Variants in MEGF9 observed in about 807,000 individuals in gnomAD.
The protein encoded by MEGF9 is multiple epidermal growth factor-like domains protein 9.
MEGF9 carries 6 observed loss-of-function variants against 46.8 expected under a neutral mutation model. That is an observed-to-expected ratio of 0.13 (90% CI 0.07 to 0.25). MEGF9 has a LOEUF of 0.25. Ranked by LOEUF, MEGF9 falls within the 10% of genes least tolerant of loss-of-function variation. MEGF9 has a pLI of 1.00. For synonymous variants in MEGF9, 302 were observed against 330.7 expected, an observed-to-expected ratio of 0.91 and a Z score of 0.94; for missense variants, 683 against 792.4, an observed-to-expected ratio of 0.86 and a Z score of 1.66.
chr9:120,695,759 G>T (rs958448689), intron 1 of MEGF9, among the ~76,000 whole-genome samples: 3 of 152,128 alleles, frequency 2.0e-5, no homozygotes, highest in Admixed American at 1.3e-4. Flanking sequence ...CTTTTTGTCA[G>T]CCTAGTATCA....
intron 2 of MEGF9, among the ~76,000 whole-genome samples, chr9:120,625,557 C>T (rs368468008): frequency 3.2e-4 from 49 of 151,254 alleles, no homozygotes; most frequent in African/African-American, 8.8e-4. Context: ...TTAAATCGGC[C>T]AGGTGCAGTG....
chr9:120,638,697 C>G (rs530613614), intron 2 of MEGF9, among the ~76,000 whole-genome samples: 188 of 152,202 alleles, frequency 1.2e-3, no homozygotes, highest in Admixed American at 5.8e-3. Flanking sequence ...AATCTGGCAC[C>G]TTGAAGTAGC....
In MEGF9 at chr9:120,638,857, C is replaced by T. The variant is rs1587980892; in HGVS notation, c.804-16102G>A. On this transcript the variant is annotated intron_variant, in intron 2 of 5. Coordinates refer to ENST00000373930, the MANE Select transcript of MEGF9 (RefSeq NM_001080497.3). ...TTAGAGATGGGGTCTCACTGTGTCT[C>T]CCAAGCTGGAATACAGTGGCACAAT... Among the ~76,000 whole-genome samples the T allele has an allele frequency of 3.3e-5, 5 of 152,296 alleles. No homozygotes were observed. The East Asian group carries it at 5.8e-4, about 18-fold the overall frequency.
chr9:120,649,226 T>C (rs2043638622), intron 2 of MEGF9, among the ~76,000 whole-genome samples: 2 of 152,250 alleles, frequency 1.3e-5, no homozygotes, highest in Non-Finnish European at 2.9e-5. Context: ...AATCTGCAGA[T>C]GTGGAACTCA....
intron 1 of MEGF9, among the ~76,000 whole-genome samples, chr9:120,686,126 G>T (rs979732681): frequency 4.9e-5 from 7 of 141,732 alleles, no homozygotes; most frequent in Non-Finnish European, 7.5e-5. Context: ...GTCTTGCTCT[G>T]TCGCCTAGGC....
At chr9:120,642,317 G>A (rs964974104) in intron 2 of MEGF9, among the ~76,000 whole-genome samples, 6 of 152,142 alleles carry the variant, frequency 3.9e-5, no homozygotes, top group Non-Finnish European at 7.4e-5. Context: ...AGCTAGCCTT[G>A]CACTTACATT....
At chr9:120,685,012 T>C (rs763042385) in intron 1 of MEGF9, among the ~76,000 whole-genome samples, 8 of 152,076 alleles carry the variant, frequency 5.3e-5, no homozygotes, top group Admixed American at 2.0e-4. Context: ...TTTTTTGTAT[T>C]TTTAGTAGAG....
At chr9:120,617,611 G>C (rs1036622389) in intron 3 of MEGF9, among the ~76,000 whole-genome samples, 1 of 152,178 alleles carries the variant, frequency 6.6e-6, no homozygotes, top group Non-Finnish European at 1.5e-5. Context: ...CCATTGGAGG[G>C]CTTAAGCATG....
At chr9:120,675,223 A>C (rs1205262324) in intron 1 of MEGF9, among the ~76,000 whole-genome samples, 1 of 152,184 alleles carries the variant, frequency 6.6e-6, no homozygotes, top group Non-Finnish European at 1.5e-5. Context: ...TGAATGGCTA[A>C]ACCATGGTCC....
chr9:120,712,793 G>A (rs1205363248), intron 1 of MEGF9, among the ~76,000 whole-genome samples: 2 of 152,210 alleles, frequency 1.3e-5, no homozygotes, highest in Non-Finnish European at 2.9e-5. Context: ...CTCAAAGCAA[G>A]ACAATTCAGA....
At chr9:120,619,574 T>G (rs2132302766) in intron 3 of MEGF9, among the ~76,000 whole-genome samples, 1 of 152,360 alleles carries the variant, frequency 6.6e-6, no homozygotes, top group East Asian at 1.9e-4. Context: ...TTTCTGTGTT[T>G]TTAATAATAT....
rs986446200 is a variant in MEGF9 at position 120,620,841 on chromosome 9, A to C, written c.943+1775T>G. On this transcript the variant is annotated intron_variant, in intron 3 of 5. Transcript: ENST00000373930. ...TAAAACTGGCAAATAGGCAGAGACA[A>C]GATCGCATAAAAGAAAAAAAAAACA... 3.8e-5 allele frequency among the ~76,000 whole-genome samples: 5 copies of C among 130,806 alleles called. No individual in the cohort carries two copies. In the Admixed American group the frequency reaches 4.3e-4, roughly 11 times the overall value. 85.8% of individuals were successfully genotyped at this position (130,806 alleles called of 152,430 possible). A position where few individuals can be genotyped will look rare whatever the true frequency, so the allele number is the denominator to read the frequency against.
intron 1 of MEGF9, among the ~76,000 whole-genome samples, chr9:120,669,574 G>GAA (rs2043739612): frequency 7.0e-6 from 1 of 143,800 alleles, no homozygotes; most frequent in African/African-American, 2.7e-5. Context: ...AGATGTTTAG[G>GAA]CAAAAAAAAA....
At chr9:120,703,841 T>G (rs2132344818) in intron 1 of MEGF9, among the ~76,000 whole-genome samples, 1 of 151,616 alleles carries the variant, frequency 6.6e-6, no homozygotes. Flanking sequence ...GGTGTGGTGG[T>G]GGGTGCCTGT....
At chr9:120,694,912 C>T (rs2043867639) in intron 1 of MEGF9, among the ~76,000 whole-genome samples, 1 of 145,208 alleles carries the variant, frequency 6.9e-6, no homozygotes, top group East Asian at 2.0e-4. Flanking sequence ...CATTCAAAGG[C>T]CTTTTTGACA....
intron 1 of MEGF9, among the ~76,000 whole-genome samples, chr9:120,705,542 T>G (rs913401275): frequency 1.1e-4 from 17 of 148,384 alleles, no homozygotes; most frequent in Non-Finnish European, 2.3e-4. Flanking sequence ...GAAGAAAGGT[T>G]TTTTTTTTTT....
At chr9:120,624,759 G>A (rs1024826572) in intron 2 of MEGF9, among the ~76,000 whole-genome samples, 4 of 151,626 alleles carry the variant, frequency 2.6e-5, no homozygotes, top group African/African-American at 7.3e-5. Flanking sequence ...TGTAGTTCCA[G>A]CTACCTGGGA....
intron 1 of MEGF9, among the ~76,000 whole-genome samples, chr9:120,707,018 T>C (rs903584411): frequency 1.3e-5 from 2 of 152,124 alleles, no homozygotes; most frequent in Admixed American, 6.5e-5. Context: ...TAAATGCCAA[T>C]AATATGGATT....
chr9:120,690,362 A>C (rs1427365622), intron 1 of MEGF9, among the ~76,000 whole-genome samples: 1 of 152,132 alleles, frequency 6.6e-6, no homozygotes, highest in East Asian at 1.9e-4. Context: ...AATGCCCTGG[A>C]GTCAGTGTGT....
Sources: allele counts gnomAD v4.1 joint callset (sites outside exome capture counted in the v4.1 genomes callset), GRCh38; gene constraint gnomAD v4.1.1; transcripts MANE v1.5; gene names NCBI Gene and HGNC (gene_info 2026-07-23, HGNC 2026-07-21).